CDKL4: variants seen among roughly 807,000 people sequenced by gnomAD.
CDKL4 encodes cyclin-dependent kinase-like 4.
In CDKL4, 44 loss-of-function variants were observed where a neutral mutation model predicts 42.0. The observed-to-expected ratio is 1.05, with a 90% CI of 0.82 to 1.35. The LOEUF (loss-of-function observed/expected upper bound fraction) is 1.35. CDKL4 is among the 40% of genes most tolerant of loss of function. The pLI is 0.00. For missense variants in CDKL4, 393 were observed against 369.9 expected (o/e 1.06, Z -0.51); for synonymous variants, 120 against 121.6 (o/e 0.99, Z 0.09).
At chr2:39,244,748 TG>T (rs1679835898), upstream of CDKL4, among the ~76,000 whole-genome samples, 1 of 152,184 alleles carries the variant, frequency 6.6e-6, no homozygotes, top group Non-Finnish European at 1.5e-5. Context: ...CTGAGTCTGG[TG>T]GGGACGTGGA....
chr2:39,190,516 AATCAG>A lies in CDKL4; in HGVS notation c.455-19_455-15del. On this transcript the variant is annotated splice_polypyrimidine_tract_variant and intron_variant, in intron 5 of 9. Coordinates refer to ENST00000451199, the Ensembl canonical transcript of CDKL4. ...CATCTCCTGGAACTGCAAATGCATC[AATCAG>A]ATCAGGTAAGTCAATTCTCCCAACA... The A allele has an allele frequency of 6.2e-7, 1 of 1,612,966 alleles. No homozygotes were observed. Among genetic ancestry groups the A allele is most frequent in the Non-Finnish European group, 8.5e-7 (1 of 1,178,950 alleles).
At position 39,231,483 on chromosome 2, in the gene CDKL4, T is replaced by C. The variant is rs567281316; in HGVS notation, c.-56-1895A>G. On this transcript the variant is annotated intron_variant, in intron 1 of 9. Coordinates refer to ENST00000451199, the Ensembl canonical transcript of CDKL4. ...GAGAAAAATGTTTACCTGGATATAA[T>C]GACTACTGACATACTATTTTTTACA... is the stretch of plus-strand genomic sequence containing the variant. Among the ~76,000 whole-genome samples the C allele has an allele frequency of 3.9e-5, 6 of 152,332 alleles. No homozygotes were observed. The East Asian group carries it at 1.2e-3, about 29-fold the overall frequency.
chr2:39,178,428 C>T (rs572980754), intron 9 of CDKL4: 11 of 761,432 alleles, frequency 1.4e-5, no homozygotes, highest in South Asian at 4.2e-5. Flanking sequence ...AGGCAATGTT[C>T]GTCTACTTAT....
At chr2:39,236,165 A>C (rs369878214) in intron 1 of CDKL4, among the ~76,000 whole-genome samples, 2 of 151,422 alleles carry the variant, frequency 1.3e-5, no homozygotes, top group Non-Finnish European at 2.9e-5. Context: ...AAAAAAAAAA[A>C]AAAAAACCAG....
At chr2:39,213,969 G>T (rs1677752178) in intron 3 of CDKL4, among the ~76,000 whole-genome samples, 1 of 151,996 alleles carries the variant, frequency 6.6e-6, no homozygotes. Flanking sequence ...CCAGGCTGGA[G>T]TGCAGTGGCA....
At position 39,186,768 on chromosome 2, in the gene CDKL4, AGAC is replaced by A. The variant is rs371609836; in HGVS notation, c.735+856_735+858del. On this transcript the variant is annotated intron_variant, in intron 7 of 9. Coordinates refer to ENST00000451199, the Ensembl canonical transcript of CDKL4. Reference sequence around the variant, plus strand: ...AATGCTTTTTTTTTCAAAATAAAGAAGACTACTATAAGTAGTCTTTATGAGAAT... The same window carrying A: ...AATGCTTTTTTTTTCAAAATAAAGAATACTATAAGTAGTCTTTATGAGAAT... Among the ~76,000 whole-genome samples the A allele has an allele frequency of 6.6e-3, 1,006 of 152,248 alleles. 11 individuals are homozygous for A. The highest frequency in any genetic ancestry group is 0.023 in the African/African-American group (962 of 41,556).
intron 1 of CDKL4, among the ~76,000 whole-genome samples, chr2:39,234,611 C>T (rs980684564): frequency 6.6e-5 from 10 of 151,978 alleles, no homozygotes; most frequent in Admixed American, 3.3e-4. Context: ...ATTGAAAAGG[C>T]CCATTAGGTA....
chr2:39,193,866 T>C (rs1421595154), intron 5 of CDKL4, among the ~76,000 whole-genome samples: 2 of 152,234 alleles, frequency 1.3e-5, no homozygotes, highest in African/African-American at 2.4e-5. Flanking sequence ...TTGTGAGCTG[T>C]AGCGTTTCTC....
chr2:39,176,577 G>C (rs1264950573), intron 9 of CDKL4, among the ~76,000 whole-genome samples: 1 of 152,162 alleles, frequency 6.6e-6, no homozygotes, highest in Non-Finnish European at 1.5e-5. Context: ...GAGATTACAG[G>C]TGTGAGCCAC....
At chr2:39,171,994 A>G (rs772654120), downstream of CDKL4, among the ~76,000 whole-genome samples, 8 of 152,208 alleles carry the variant, frequency 5.3e-5, no homozygotes, top group Non-Finnish European at 1.0e-4. Flanking sequence ...GTCTGGGACA[A>G]GACTATTTGC....
intron 5 of CDKL4, among the ~76,000 whole-genome samples, chr2:39,197,968 T>C (rs866129800): frequency 3.5e-4 from 53 of 151,834 alleles, no homozygotes; most frequent in African/African-American, 1.3e-3. Flanking sequence ...AGTAGCATGA[T>C]GAATAGTACC....
At chr2:39,229,584 T>C (rs1277370355) in exon 2 of CDKL4, 5 of 1,420,948 alleles carry the variant, frequency 3.5e-6, no homozygotes, top group Non-Finnish European at 4.8e-6. Flanking sequence ...AGTACAATGC[T>C]GCACCTGGAA....
At chr2:39,187,818 A>G (rs1450418103) in intron 6 of CDKL4, 109 bp from the exon 7 acceptor site, 4 of 699,604 alleles carry the variant, frequency 5.7e-6, no homozygotes, top group Non-Finnish European at 7.4e-6. Context: ...CTGTAATTCC[A>G]GCACTTTGAG....
At chr2:39,204,545 C>T (rs754483784) in exon 5 of CDKL4, 13 of 1,608,036 alleles carry the variant, frequency 8.1e-6, no homozygotes, top group African/African-American at 2.7e-5. Context: ...TGTGCAAACC[C>T]GAAGTCACAA....
rs1573013174 is a variant in CDKL4 at position 39,224,460 on chromosome 2, T to G, written c.290+1379A>C. Among the ~76,000 whole-genome samples, 3 of 152,196 alleles carry G rather than the reference T, an allele frequency of 2.0e-5. No homozygotes were observed. The East Asian group carries it at 5.8e-4, about 29-fold the overall frequency. On this transcript the variant is annotated intron_variant, in intron 3 of 9. Coordinates refer to ENST00000451199, the Ensembl canonical transcript of CDKL4. Reference sequence around the variant, plus strand: ...CTCTTTATCTTTATTCCTAAACTTTTGTTGTTGTTAATATTTGAATGGGAT... The same window carrying G: ...CTCTTTATCTTTATTCCTAAACTTTGGTTGTTGTTAATATTTGAATGGGAT...
downstream of CDKL4, among the ~76,000 whole-genome samples, chr2:39,174,219 AC>A (rs1460019005): frequency 6.6e-6 from 1 of 152,074 alleles, no homozygotes; most frequent in Admixed American, 6.6e-5. Context: ...AGCCTGGGCA[AC>A]ATAACGAGAC....
intron 9 of CDKL4, among the ~76,000 whole-genome samples, chr2:39,177,467 C>T (rs1305478290): frequency 2.0e-5 from 3 of 150,410 alleles, no homozygotes; most frequent in Admixed American, 6.6e-5. Flanking sequence ...TGCAGTGGCA[C>T]GATCTCGGCT....
chr2:39,210,335 G>C (rs1402398212), intron 4 of CDKL4, among the ~76,000 whole-genome samples: 1 of 152,068 alleles, frequency 6.6e-6, no homozygotes, highest in East Asian at 1.9e-4. Flanking sequence ...TTATCAGTCA[G>C]AAGTTTTCAG....
intron 7 of CDKL4, among the ~76,000 whole-genome samples, chr2:39,185,380 A>G (rs1173447735): frequency 1.8e-4 from 3 of 16,482 alleles, no homozygotes; most frequent in African/African-American, 2.9e-4. Flanking sequence ...ATACATATGT[A>G]TATATACATG....
Sources: gnomAD v4.1 joint callset for allele counts (sites outside exome capture counted in the v4.1 genomes callset) on GRCh38, gnomAD v4.1.1 for gene constraint, MANE v1.5 for transcripts, NCBI Gene and HGNC (gene_info 2026-07-23, HGNC 2026-07-21) for gene names.